The following GCHFR variants were observed in gnomAD, a reference collection of about 807,000 sequenced individuals.
The protein encoded by GCHFR is GTP cyclohydrolase I feedback regulator, also known as GTP cyclohydrolase 1 feedback regulatory protein.
Under a neutral mutation model 10.6 loss-of-function variants are expected in GCHFR, and 12 were observed. The ratio of observed to expected loss-of-function variants is 1.13; its 90% CI spans 0.72 to 1.83. The LOEUF (loss-of-function observed/expected upper bound fraction) is 1.83, where lower values mean the gene tolerates loss of function less well. GCHFR is among the 40% of genes most tolerant of loss of function. GCHFR has a pLI of 0.00. For synonymous variants in GCHFR, 54 were observed against 43.7 expected (o/e 1.24, Z -0.93); for missense variants, 116 against 110.6 (o/e 1.05, Z -0.22).
rs774287216 is a variant in GCHFR at position 40,767,315 on chromosome 15, G to C, written c.221G>C (p.Gly74Ala). 3 of 1,603,502 alleles carry C rather than the reference G, an allele frequency of 1.9e-6. No individual in the cohort carries two copies. Among genetic ancestry groups the C allele is most frequent in the East Asian group, 2.3e-5 (1 of 43,664 alleles). ...GFRVLSMTGVGQTLVWCLHKE is the reference protein window; with the variant it reads ...GFRVLSMTGVAQTLVWCLHKE ...CGTGTGCTGAGCATGACGGGGGTGGGCCAGACGCTGGTGTGGTGTCTGCAC... is the reference window on the plus strand; with the variant it reads ...CGTGTGCTGAGCATGACGGGGGTGGCCCAGACGCTGGTGTGGTGTCTGCAC... Residue 74 changes from glycine to alanine, a missense_variant, in exon 3 of 3, where the codon GGC (glycine) becomes GCC (alanine). Gly to Ala is a moderately conservative substitution (Grantham distance 60). Transcript: ENST00000260447.
intron 2 of GCHFR, 138 bp from the exon 3 acceptor site, chr15:40,767,088 C>T: frequency 1.2e-6 from 1 of 818,022 alleles, no homozygotes; most frequent in Non-Finnish European, 1.8e-6. Flanking sequence ...GGGGCGTGCA[C>T]TTACCCCAGC....
At chr15:40,765,709 T>A (rs1208243221) in intron 1 of GCHFR, 118 bp from the exon 2 acceptor site, 37 of 469,084 alleles carry the variant, frequency 7.9e-5, no homozygotes, top group Non-Finnish European at 1.6e-5. Flanking sequence ...TCCTTGCTAC[T>A]CTCTGTAGCC....
At chr15:40,764,868 G>T (rs1317739415) in intron 1 of GCHFR, among the ~76,000 whole-genome samples, 1 of 152,208 alleles carries the variant, frequency 6.6e-6, no homozygotes, top group East Asian at 1.9e-4. Flanking sequence ...AAAAGGTTCT[G>T]ATTGCCCCTC....
chr15:40,765,719 C>T, intron 1 of GCHFR, 108 bp from the exon 2 acceptor site: 1 of 513,490 alleles, frequency 1.9e-6, no homozygotes, highest in Non-Finnish European at 3.6e-6. Context: ...TCTCTGTAGC[C>T]TTTACCTGAA....
In GCHFR at chr15:40,765,839, A is replaced by G; in HGVS notation, c.49A>G (p.Thr17Ala). ...GCTTACCTTGCAGGAGGTGGGCCCCACTATGGTGGGCGATGAACAGTCGGA... is the reference window on the plus strand; with the variant it reads ...GCTTACCTTGCAGGAGGTGGGCCCCGCTATGGTGGGCGATGAACAGTCGGA... ...STQIRMEVGP[T>A]MVGDEQSDPE... The change falls in exon 2 of 3, where the codon ACT becomes GCT. Residue 17 changes from threonine (T) to alanine (A), a missense_variant. By Grantham distance (58) the Thr-to-Ala change is moderately conservative. Transcript: ENST00000260447. 6.4e-7 allele frequency: 1 copy of G among 1,571,576 alleles called. No individual in the cohort carries two copies. The highest frequency in any genetic ancestry group is 8.7e-7 in the Non-Finnish European group (1 of 1,151,416).
chr15:40,767,207 C>T lies in GCHFR; in HGVS notation c.132-19C>T, dbSNP rs376440278. The T allele has an allele frequency of 4.7e-6, 7 of 1,487,294 alleles. No individual in the cohort carries two copies. The South Asian group carries it at 5.6e-5, about 12-fold the overall frequency. 92.1% of individuals were successfully genotyped at this position (1,487,294 alleles called of 1,614,324 possible). ...TGCTGTGTGCCCCTCCTCACCCCCC[C>T]CATCCTGTCTCTTTGCAGTTATGAA... On this transcript the variant is annotated intron_variant, in intron 2 of 2. Coordinates refer to ENST00000260447, the MANE Select transcript of GCHFR (RefSeq NM_005258.3).
chr15:40,767,457 C>A lies in GCHFR; in HGVS notation c.*108C>A. Reference sequence around the variant, plus strand: ...CTGCCTTGCTCCTCTCTTCCCAAATCATCACCGCCATGGGCCCAGCCCCAA... The same window carrying A: ...CTGCCTTGCTCCTCTCTTCCCAAATAATCACCGCCATGGGCCCAGCCCCAA... On this transcript the variant is annotated 3_prime_UTR_variant, in exon 3 of 3. Coordinates refer to ENST00000260447, the MANE Select transcript of GCHFR (RefSeq NM_005258.3). 5 of 1,262,010 alleles carry A rather than the reference C, an allele frequency of 4.0e-6. No homozygotes were observed. The highest frequency in any genetic ancestry group is 5.4e-6 in the Non-Finnish European group (5 of 929,302). 78.2% of individuals were successfully genotyped at this position (1,262,010 alleles called of 1,614,324 possible).
intron 2 of GCHFR, 121 bp downstream of exon 2, chr15:40,766,042 T>C: frequency 4.1e-6 from 2 of 484,422 alleles, no homozygotes; most frequent in South Asian, 6.8e-5. Flanking sequence ...GCCTGCATCC[T>C]GGGGCTCTGT....
chr15:40,767,357 A>G lies in GCHFR; in HGVS notation c.*8A>G, dbSNP rs376132308. On this transcript the variant is annotated 3_prime_UTR_variant, in exon 3 of 3. Transcript: ENST00000260447. ...TGTCTGCACAAGGAGTGACCTTCTC[A>G]TGCTGATTTGCAGACGGGGCACCCC... 5.0e-6 allele frequency: 8 copies of G among 1,592,832 alleles called. No homozygotes were observed. The highest frequency in any genetic ancestry group is 1.4e-5 in the African/African-American group (1 of 73,536).
At chr15:40,766,453 C>G (rs1362602187) in intron 2 of GCHFR, 1 of 152,254 alleles carries the variant, frequency 6.6e-6, no homozygotes, top group Non-Finnish European at 1.5e-5. Context: ...GCAGGGAGAA[C>G]CCAAGCTACA....
In GCHFR at chr15:40,767,657, G is replaced by T; in HGVS notation, c.*308G>T. ...GGAGCTGGGCACTCCAGCGGCCCTG[G>T]CGCGTGGCTCCTGCATAGCTAGCCC... On this transcript the variant is annotated 3_prime_UTR_variant, in exon 3 of 3. Transcript: ENST00000260447. 1.7e-6 allele frequency: 1 copy of T among 586,588 alleles called. No homozygotes were observed. Among genetic ancestry groups the T allele is most frequent in the East Asian group, 3.2e-5 (1 of 31,468 alleles). The allele number at this position is 586,588 out of a possible 1,614,324, so 36.3% of individuals were successfully genotyped here. A position where few individuals can be genotyped will look rare whatever the true frequency, so the allele number is the denominator to read the frequency against.
chr15:40,766,196 G>A (rs146384602), intron 2 of GCHFR: 3 of 272,948 alleles, frequency 1.1e-5, no homozygotes, highest in Non-Finnish European at 1.4e-5. Flanking sequence ...CTAGCAGACT[G>A]TTCCTTGCCC....
rs922370994 is a variant in GCHFR, at chr15:40,767,639, G to A, written c.*290G>A. 6 of 582,922 alleles carry A rather than the reference G, an allele frequency of 1.0e-5. No individual in the cohort carries two copies. The highest frequency in any genetic ancestry group is 9.7e-5 in the African/African-American group (5 of 51,652). 36.1% of individuals were successfully genotyped at this position (582,922 alleles called of 1,614,324 possible). ...GGGCAGCTGCCCCGGGCCGGAGCTG[G>A]GCACTCCAGCGGCCCTGGCGCGTGG... On this transcript the variant is annotated 3_prime_UTR_variant, in exon 3 of 3. Coordinates refer to ENST00000260447, the MANE Select transcript of GCHFR (RefSeq NM_005258.3).
At chr15:40,764,764 AAAGG>A (rs944479757) in intron 1 of GCHFR, among the ~76,000 whole-genome samples, 13 of 152,196 alleles carry the variant, frequency 8.5e-5, no homozygotes, top group African/African-American at 3.1e-4. Flanking sequence ...TGCTTGGAAA[AAAGG>A]AAGGCGAGAA....
chr15:40,767,272 C>T lies in GCHFR; in HGVS notation c.178C>T (p.Leu60=), dbSNP rs779227677. ...CCCTCCCCGCATAGTCCTGGACAAG[C>T]TGGAACGCAGGGGCTTCCGTGTGCT... ...DDPPRIVLDK[L]ERRGFRVLSM... Residue 60 remains leucine, a synonymous_variant, in exon 3 of 3, where the codon CTG becomes TTG. Transcript: ENST00000260447. The T allele has an allele frequency of 6.2e-7, 1 of 1,604,572 alleles. No individual in the cohort carries two copies. The highest frequency in any genetic ancestry group is 1.7e-5 in the Admixed American group (1 of 59,034).
chr15:40,767,003 C>T (rs966964866), intron 2 of GCHFR: 1 of 390,174 alleles, frequency 2.6e-6, no homozygotes, highest in African/African-American at 2.1e-5. Context: ...ATGGCCACAA[C>T]AGTGGCACCT....
At chr15:40,764,838 G>T (rs1192464674) in intron 1 of GCHFR, among the ~76,000 whole-genome samples, 1 of 152,242 alleles carries the variant, frequency 6.6e-6, no homozygotes, top group African/African-American at 2.4e-5. Context: ...CTTTCTCTGG[G>T]CGCAGTTTCC....
intron 1 of GCHFR, chr15:40,765,583 G>A (rs1048422099): frequency 3.4e-5 from 11 of 324,974 alleles, no homozygotes; most frequent in Non-Finnish European, 5.6e-5. Context: ...CTATAGGCTC[G>A]TGATACTTTG....
Position 40,767,469 on chromosome 15 carries a change from G to A in GCHFR, c.*120G>A. 8.4e-7 allele frequency: 1 copy of A among 1,197,346 alleles called. No individual in the cohort carries two copies. The allele number at this position is 1,197,346 out of a possible 1,614,324, so 74.2% of individuals were successfully genotyped here. ...TCTCTTCCCAAATCATCACCGCCAT[G>A]GGCCCAGCCCCAAAGGGCAGTGAAT... On this transcript the variant is annotated 3_prime_UTR_variant, in exon 3 of 3. Coordinates refer to ENST00000260447, the MANE Select transcript of GCHFR (RefSeq NM_005258.3).
Sources: allele counts gnomAD v4.1 joint callset (sites outside exome capture counted in the v4.1 genomes callset), GRCh38; gene constraint gnomAD v4.1.1; transcripts MANE v1.5; gene names NCBI Gene and HGNC (gene_info 2026-07-23, HGNC 2026-07-21).